LRIT1: variants seen among roughly 807,000 people sequenced by gnomAD.
The protein encoded by LRIT1 is leucine rich repeat, Ig-like and transmembrane domains 1.
Under a neutral mutation model 24.0 loss-of-function variants are expected in LRIT1, and 23 were observed. The ratio of observed to expected loss-of-function variants is 0.96; its 90% CI spans 0.69 to 1.36. The LOEUF (loss-of-function observed/expected upper bound fraction) is 1.36. Among genes scored for constraint, LRIT1 ranks in the 40% most tolerant of loss-of-function variants. The pLI, the probability that LRIT1 is intolerant of heterozygous loss-of-function variation, is 0.00. For missense variants in LRIT1, 846 were observed against 806.3 expected, an observed-to-expected ratio of 1.05 and a Z score of -0.60; for synonymous variants, 361 against 340.5, an observed-to-expected ratio of 1.06 and a Z score of -0.66.
chr10:84,234,698 G>A (rs907654229), intron 2 of LRIT1, among the ~76,000 whole-genome samples: 5 of 152,264 alleles, frequency 3.3e-5, no homozygotes, highest in Non-Finnish European at 5.9e-5. Flanking sequence ...CAGGCCACTG[G>A]CCAGGCAGTA....
chr10:84,235,525 T>C (rs1296073497), intron 2 of LRIT1, among the ~76,000 whole-genome samples: 1 of 152,178 alleles, frequency 6.6e-6, no homozygotes, highest in East Asian at 1.9e-4. Flanking sequence ...CTGACAAAAG[T>C]TAAACATTTT....
chr10:84,233,481 C>T (rs1842621269), intron 3 of LRIT1, among the ~76,000 whole-genome samples: 3 of 135,152 alleles, frequency 2.2e-5, no homozygotes, highest in Middle Eastern at 7.5e-3. Context: ...TTCTTAAGGG[C>T]CCTGGAATTT....
At chr10:84,241,196 T>C in intron 1 of LRIT1, 122 bp downstream of exon 1, 2 of 1,414,674 alleles carry the variant, frequency 1.4e-6, no homozygotes, top group South Asian at 2.6e-5. Flanking sequence ...GGATCCCTGG[T>C]CCTCAAGGGC....
intron 2 of LRIT1, among the ~76,000 whole-genome samples, chr10:84,235,267 T>C (rs1842638724): frequency 6.6e-6 from 1 of 152,196 alleles, no homozygotes; most frequent in African/African-American, 2.4e-5. Context: ...TATTCATGTC[T>C]CTCAGGTCTC....
In LRIT1 at chr10:84,232,184, T is replaced by C. The variant is rs763747594; in HGVS notation, c.1615A>G (p.Ile539Val). The change falls in exon 4 of 4, where the codon ATT becomes GTT. Residue 539 changes from isoleucine to valine, a missense_variant. By Grantham distance (29) the Ile-to-Val change is conservative. Transcript: ENST00000372105. ...NVVVISVAIV[I>V]ALPLTLLVCC... ...ACAAGCAGCGTGAGAGGCAGGGCAA[T>C]GACGATGGCCACACTGATCACCACC... 1.2e-6 allele frequency: 2 copies of C among 1,614,210 alleles called. No homozygotes were observed. The highest frequency in any genetic ancestry group is 3.3e-5 in the Admixed American group (2 of 60,026).
intron 1 of LRIT1, among the ~76,000 whole-genome samples, chr10:84,238,038 T>C (rs1842666853): frequency 6.6e-6 from 1 of 152,146 alleles, no homozygotes; most frequent in African/African-American, 2.4e-5. Flanking sequence ...TTGTGCACTG[T>C]TGCTTTGCAA....
chr10:84,238,081 C>T (rs1842667147), intron 1 of LRIT1, among the ~76,000 whole-genome samples: 1 of 152,200 alleles, frequency 6.6e-6, no homozygotes, highest in Non-Finnish European at 1.5e-5. Flanking sequence ...TGGCCGGGCA[C>T]AGTGGCTCAC....
intron 1 of LRIT1, 87 bp downstream of exon 1, chr10:84,241,231 G>A (rs1432047653): frequency 5.7e-6 from 9 of 1,588,404 alleles, no homozygotes; most frequent in African/African-American, 1.3e-5. Flanking sequence ...ACCTCACCCA[G>A]GGCCCCAGCT....
chr10:84,237,354 C>T lies in LRIT1; in HGVS notation c.455G>A (p.Arg152His). ...RLSAVPAEAARFLENLTFLDL... is the reference protein window; with the variant it reads ...RLSAVPAEAAHFLENLTFLDL... The stretch of plus-strand genomic sequence containing the variant: ...GAGGAAGGTGAGGTTCTCCAGGAAG[C>T]GCGCGGCCTCAGCGGGCACAGCCGA... The change falls in exon 2 of 4, where the codon CGC becomes CAC. Residue 152 changes from arginine (R) to histidine (H), a missense_variant. Transcript: ENST00000372105. 6.5e-7 allele frequency: 1 copy of T among 1,550,274 alleles called. No homozygotes were observed. The highest frequency in any genetic ancestry group is 1.7e-4 in the Middle Eastern group (1 of 5,878).
intron 3 of LRIT1, among the ~76,000 whole-genome samples, chr10:84,233,331 G>A (rs36094859): frequency 0.059 from 8,715 of 148,220 alleles, 334 homozygotes; most frequent in Non-Finnish European, 0.087. Context: ...ACCAAGCCTA[G>A]GAATATATAT....
At position 84,237,642 on chromosome 10, in the gene LRIT1, G is replaced by A. The variant is rs748592040; in HGVS notation, c.167C>T (p.Ser56Phe). The A allele has an allele frequency of 4.4e-6, 7 of 1,605,532 alleles. No homozygotes were observed. The East Asian group carries it at 1.1e-4, about 26-fold the overall frequency. The change falls in exon 2 of 4, where the codon TCC (serine) becomes TTC (phenylalanine). Residue 56 changes from serine (S) to phenylalanine (F), a missense_variant. Coordinates refer to ENST00000372105, the MANE Select transcript of LRIT1 (RefSeq NM_015613.3). ...CAGTCTGGAGGTGTCCGGGGGGATG[G>A]ACGCCGGGGGCAGGGTCATGTCGGG... ...NDPDMTLPPASIPPDTSRLRL... is the reference protein window; with the variant it reads ...NDPDMTLPPAFIPPDTSRLRL...
intron 1 of LRIT1, among the ~76,000 whole-genome samples, chr10:84,240,494 C>T (rs1842683392): frequency 6.6e-6 from 1 of 152,108 alleles, no homozygotes; most frequent in African/African-American, 2.4e-5. Context: ...GGCTCAGAAA[C>T]CATGCAGAGG....
Position 84,232,073 on chromosome 10 carries a change from T to A in LRIT1, c.1726A>T (p.Arg576Ter). 6.2e-7 allele frequency: 1 copy of A among 1,614,136 alleles called. No homozygotes were observed. Among genetic ancestry groups the A allele is most frequent in the Non-Finnish European group, 8.5e-7 (1 of 1,180,014 alleles). ...EATVTYVNLE[R>*]LGYSEDGLEE... is the part of the protein sequence containing the mutation. ...AAGCCGTCCTCGCTGTAGCCCAGTC[T>A]CTCTAGGTTGACGTAGGTAACTGTG... is the stretch of plus-strand genomic sequence containing the variant. Residue 576 changes from arginine (R) to a stop codon, truncating the protein, a stop_gained, in exon 4 of 4, where the codon AGA (arginine) becomes TGA (stop). Coordinates refer to ENST00000372105, the MANE Select transcript of LRIT1 (RefSeq NM_015613.3). LOFTEE classifies it high-confidence loss of function.
Position 84,237,486 on chromosome 10 carries a change from C to CG in LRIT1, c.322dup (p.Arg108ProfsTer42). ...CCCGGGCAGCCGCAGCTCCCGCAGGCGTCGCAGGCCCCGCAGCATGAGGGC... is the reference window on the plus strand; with the variant it reads ...CCCGGGCAGCCGCAGCTCCCGCAGGCGGTCGCAGGCCCCGCAGCATGAGGGC... On this transcript the variant is annotated frameshift_variant, in exon 2 of 4. Transcript: ENST00000372105. LOFTEE classifies it high-confidence loss of function. 6.3e-7 allele frequency: 1 copy of CG among 1,590,370 alleles called. No individual in the cohort carries two copies. The highest frequency in any genetic ancestry group is 8.5e-7 in the Non-Finnish European group (1 of 1,172,488).
chr10:84,234,468 G>T, intron 2 of LRIT1, 90 bp from the exon 3 acceptor site: 1 of 1,075,472 alleles, frequency 9.3e-7, no homozygotes, highest in Non-Finnish European at 1.3e-6. Flanking sequence ...GGACAGGCAG[G>T]TCCTCATTCA....
intron 1 of LRIT1, among the ~76,000 whole-genome samples, chr10:84,240,479 T>A (rs1028596538): frequency 7.2e-5 from 11 of 152,162 alleles, no homozygotes; most frequent in African/African-American, 2.7e-4. Context: ...TCAGAAACCA[T>A]CAGTGGCTCA....
At chr10:84,234,466 A>C in intron 2 of LRIT1, 88 bp from the exon 3 acceptor site, 5 of 1,085,216 alleles carry the variant, frequency 4.6e-6, no homozygotes, top group Non-Finnish European at 6.5e-6. Context: ...AAGGACAGGC[A>C]GGTCCTCATT....
chr10:84,234,143 A>G lies in LRIT1; in HGVS notation c.825T>C (p.Cys275=). Residue 275 remains cysteine, a synonymous_variant, in exon 3 of 4, where the codon TGT becomes TGC. Coordinates refer to ENST00000372105, the MANE Select transcript of LRIT1 (RefSeq NM_015613.3). The stretch of plus-strand genomic sequence containing the variant: ...CGGGCCCAGGGACTCCAGTAGCTCC[A>G]CAGCGTAGCAGTGCTGTGCCACCCA... ...SLLGGTALLR[C]GATGVPGPEM... The G allele has an allele frequency of 6.2e-7, 1 of 1,610,710 alleles. No individual in the cohort carries two copies. The highest frequency in any genetic ancestry group is 8.5e-7 in the Non-Finnish European group (1 of 1,178,148).
chr10:84,239,082 T>G (rs1368729254), intron 1 of LRIT1, among the ~76,000 whole-genome samples: 2 of 152,198 alleles, frequency 1.3e-5, no homozygotes, highest in African/African-American at 4.8e-5. Context: ...TAAAGGCAGC[T>G]GGGCTGGGCT....
Sources: gnomAD v4.1 joint callset for allele counts (sites outside exome capture counted in the v4.1 genomes callset) on GRCh38, gnomAD v4.1.1 for gene constraint, MANE v1.5 for transcripts, NCBI Gene and HGNC (gene_info 2026-07-23, HGNC 2026-07-21) for gene names.